Variants in NEURL4 observed in about 807,000 individuals in gnomAD.
NEURL4 encodes the protein neuralized-like protein 4.
A neutral mutation model predicts 148.0 loss-of-function variants in NEURL4; 45 were observed. The ratio of observed to expected loss-of-function variants is 0.30; its 90% CI spans 0.24 to 0.39. The LOEUF is 0.39. Among genes scored for constraint, NEURL4 ranks in the 10% least tolerant of loss-of-function variants. The pLI is 1.00. For synonymous variants in NEURL4, 854 were observed against 869.0 expected, an observed-to-expected ratio of 0.98 and a Z score of 0.30; for missense variants, 1,776 against 2,144.0, an observed-to-expected ratio of 0.83 and a Z score of 3.39.
rs775511826 is a variant in NEURL4, at chr17:7,318,034, G to A, written c.4060+31C>T. 3.7e-6 allele frequency: 6 copies of A among 1,613,684 alleles called. No individual in the cohort carries two copies. The African/African-American group carries it at 5.3e-5, about 14-fold the overall frequency. On this transcript the variant is annotated intron_variant, in intron 25 of 28. Coordinates refer to ENST00000399464, the MANE Select transcript of NEURL4 (RefSeq NM_032442.3). The surrounding 1 kb of genome is among the most constrained non-coding windows in gnomAD (Gnocchi z 4.3). ...AGGCTCTAGGCCTGGCCCTGGGAATGAAGTCAGTTCTGGCGGACTGTGGGA... is the reference window on the plus strand; with the variant it reads ...AGGCTCTAGGCCTGGCCCTGGGAATAAAGTCAGTTCTGGCGGACTGTGGGA...
chr17:7,325,483 G>A lies in NEURL4; in HGVS notation c.1367-10C>T, dbSNP rs760706678. The A allele has an allele frequency of 1.9e-6, 3 of 1,609,074 alleles. No individual in the cohort carries two copies. Among genetic ancestry groups the A allele is most frequent in the East Asian group, 4.5e-5 (2 of 44,886 alleles). ...AAGGGGGTTGCCACTCCTGTGGCAG[G>A]AAGGTACGGGGGTGTGGGAGTGGAC... On this transcript the variant is annotated splice_polypyrimidine_tract_variant and intron_variant, in intron 7 of 28. Transcript: ENST00000399464.
chr17:7,327,199 C>T lies in NEURL4; in HGVS notation c.759G>A (p.Pro253=), dbSNP rs530369555. ...ACTCAAGGCTGTTAGGAAACGTCTC[C>T]GGCCGGGCCTGCGCTGGGGACACCA... ...AFMVSPAQAR[P]ETFPNSLESH... Residue 253 remains proline (P), a synonymous_variant, in exon 3 of 29, where the codon CCG becomes CCA. Transcript: ENST00000399464. The surrounding 1 kb of genome is among the most constrained non-coding windows in gnomAD (Gnocchi z 6.6). 2.6e-5 allele frequency: 42 copies of T among 1,612,138 alleles called. No homozygotes were observed. The highest frequency in any genetic ancestry group is 1.8e-4 in the South Asian group (16 of 90,966).
Position 7,323,942 on chromosome 17 carries a change from C to T in NEURL4, c.2133G>A (p.Gly711=). The T allele has an allele frequency of 6.2e-7, 1 of 1,613,324 alleles. No individual in the cohort carries two copies. ...GGAAGCGCAGGTCAGAGCCCCCGGC[C>T]CCTGAGGACGGAGAGCTTGGAGACA... The part of the protein sequence containing the change: ...NQVSPSSPSS[G]AGGSDLRFHQ... The change falls in exon 12 of 29, where the codon GGG becomes GGA. Residue 711 remains glycine (G), a synonymous_variant. Transcript: ENST00000399464.
Position 7,316,381 on chromosome 17 carries a change from C to A in NEURL4, c.4485-54G>T. Reference sequence around the variant, plus strand: ...AAGCCTCTCGCCCCATCACCTCCCCCTTGCAAAGTCTGTTCCAACCACACA... The same window carrying A: ...AAGCCTCTCGCCCCATCACCTCCCCATTGCAAAGTCTGTTCCAACCACACA... On this transcript the variant is annotated intron_variant, in intron 28 of 28. Coordinates refer to ENST00000399464, the MANE Select transcript of NEURL4 (RefSeq NM_032442.3). The A allele has an allele frequency of 2.1e-6, 3 of 1,429,566 alleles. No individual in the cohort carries two copies. The Admixed American group carries it at 5.3e-5, about 25-fold the overall frequency. The allele number at this position is 1,429,566 out of a possible 1,614,324, so 88.6% of individuals were successfully genotyped here.
Position 7,324,546 on chromosome 17 carries a change from G to A in NEURL4, c.1814-66C>T, listed in dbSNP as rs1277609313. 2 of 1,437,046 alleles carry A rather than the reference G, an allele frequency of 1.4e-6. No individual in the cohort carries two copies. The highest frequency in any genetic ancestry group is 2.0e-6 in the Non-Finnish European group (2 of 1,021,102). The allele number at this position is 1,437,046 out of a possible 1,614,324, so 89.0% of individuals were successfully genotyped here. ...CAGGGCTCCTCTCCTTGCCACAGCAGCGCCCACAGGACTCCCGAGCCCACA... is the reference window on the plus strand; with the variant it reads ...CAGGGCTCCTCTCCTTGCCACAGCAACGCCCACAGGACTCCCGAGCCCACA... On this transcript the variant is annotated intron_variant, in intron 9 of 28. Coordinates refer to ENST00000399464, the MANE Select transcript of NEURL4 (RefSeq NM_032442.3). The surrounding 1 kb of genome is among the most constrained non-coding windows in gnomAD (Gnocchi z 5.9).
Position 7,321,602 on chromosome 17 carries a change from C to G in NEURL4, c.3057G>C (p.Gln1019His), listed in dbSNP as rs3809813. The G allele has an allele frequency of 0.16, 255,986 of 1,613,956 alleles. 24,185 individuals carry two copies. The highest frequency in any genetic ancestry group is 0.38 in the East Asian group (17,063 of 44,856). Residue 1019 changes from glutamine to histidine, a missense_variant, in exon 18 of 29, where the codon CAG becomes CAC. Transcript: ENST00000399464. This position sits in a 1 kb window ranked among gnomAD's most constrained non-coding sequence, Gnocchi z 6.3. ...VSSCEVRRDG[Q>H]LQRMNYGRNL... ...TCCGGCCATAGTTCATCCTCTGGAG[C>G]TGCCCATCACGCCTCACTTCACAGC...
Position 7,329,253 on chromosome 17 carries a change from G to GGCC in NEURL4, c.59_60insGGC (p.Gly20_Gly21insAla). The GGCC allele has an allele frequency of 1.5e-6, 1 of 667,518 alleles. No individual in the cohort carries two copies. The highest frequency in any genetic ancestry group is 2.0e-6 in the Non-Finnish European group (1 of 489,512). The allele number at this position is 667,518 out of a possible 1,614,324, so 41.3% of individuals were successfully genotyped here. ...CGCTCCCGCTGGGGCCCCCACCCCC[G>GGCC]CCCGGCCCCGGTCCAGGGCCTCCCC... On this transcript the variant is annotated inframe_insertion, in exon 1 of 29. Transcript: ENST00000399464.
Position 7,321,331 on chromosome 17 carries a change from C to T in NEURL4, c.3198+30G>A. On this transcript the variant is annotated intron_variant, in intron 19 of 28. Transcript: ENST00000399464. This position sits in a 1 kb window ranked among gnomAD's most constrained non-coding sequence, Gnocchi z 6.3. Reference sequence around the variant, plus strand: ...ATCAGCAGAAGACCTCAACCATCCTCCCAGAACCCAAGGAAGCGTTCAGGT... The same window carrying T: ...ATCAGCAGAAGACCTCAACCATCCTTCCAGAACCCAAGGAAGCGTTCAGGT... 1 of 1,613,872 alleles carries T rather than the reference C, an allele frequency of 6.2e-7. No individual in the cohort carries two copies. Among genetic ancestry groups the T allele is most frequent in the Non-Finnish European group, 8.5e-7 (1 of 1,179,878 alleles).
rs2072990486 is a variant in NEURL4 at position 7,319,047 on chromosome 17, C to T, written c.3684+3G>A. ...CTGTTCCTTCTCTCTGGCTCCTACT[C>T]ACCTTGAGACCGTTGTGGAAGACCC... On this transcript the variant is annotated splice_donor_region_variant and intron_variant, in intron 22 of 28. Coordinates refer to ENST00000399464, the MANE Select transcript of NEURL4 (RefSeq NM_032442.3). 2.5e-6 allele frequency: 4 copies of T among 1,606,420 alleles called. No homozygotes were observed. The highest frequency in any genetic ancestry group is 3.4e-6 in the Non-Finnish European group (4 of 1,176,178).
chr17:7,329,123 G>A lies in NEURL4; in HGVS notation c.190C>T (p.Gln64Ter). ...TGGTTAAACTCCTGGCCCGGCTGCT[G>A]CCGCCGCGCCGTACGCCCACAGGCC... ...LSACGRTARR[Q>*]QPGQEFNHGL... The change falls in exon 1 of 29, where the codon CAG (glutamine) becomes TAG (stop). Residue 64 changes from glutamine to a stop codon, truncating the protein, a stop_gained. Coordinates refer to ENST00000399464, the MANE Select transcript of NEURL4 (RefSeq NM_032442.3). LOFTEE classifies it high-confidence loss of function. The A allele has an allele frequency of 1.2e-6, 2 of 1,609,428 alleles. No homozygotes were observed. Among genetic ancestry groups the A allele is most frequent in the African/African-American group, 1.3e-5 (1 of 74,988 alleles).
rs759467696 is a variant in NEURL4, at chr17:7,316,324, GA to G, written c.4487del (p.Phe1496SerfsTer70). ...GCGTCCGCTGGGATTTGGGGTCCCGGAATCTGTCAGACAAGAAAAAATAAGG... is the reference window on the plus strand; with the variant it reads ...GCGTCCGCTGGGATTTGGGGTCCCGGATCTGTCAGACAAGAAAAAATAAGG... ...GAETLASKVQ[F>X]RDPKSQRTHQ... On this transcript the variant is annotated frameshift_variant and splice_region_variant, in exon 29 of 29. Coordinates refer to ENST00000399464, the MANE Select transcript of NEURL4 (RefSeq NM_032442.3). LOFTEE classifies it high-confidence loss of function. 7 of 1,611,502 alleles carry G rather than the reference GA, an allele frequency of 4.3e-6. No individual in the cohort carries two copies. Among genetic ancestry groups the G allele is most frequent in the Non-Finnish European group, 5.9e-6 (7 of 1,179,288 alleles).
In NEURL4 at chr17:7,317,155, C is replaced by G. The variant is rs201160537; in HGVS notation, c.4484+50G>C. On this transcript the variant is annotated intron_variant, in intron 28 of 28. Coordinates refer to ENST00000399464, the MANE Select transcript of NEURL4 (RefSeq NM_032442.3). ...AGACCCCAGTGGCTGCGCTTGGGCC[C>G]TCTCCATCCGAGCCCCTGGAAATCT... 2.8e-5 allele frequency: 39 copies of G among 1,380,590 alleles called. 1 individual carries two copies. The African/African-American group carries it at 4.4e-4, about 16-fold the overall frequency. 85.5% of individuals were successfully genotyped at this position (1,380,590 alleles called of 1,614,324 possible). A position where few individuals can be genotyped will look rare whatever the true frequency, so the allele number is the denominator to read the frequency against.
In NEURL4 at chr17:7,321,673, G is replaced by A. The variant is rs762967769; in HGVS notation, c.2986C>T (p.Pro996Ser). The A allele has an allele frequency of 3.1e-6, 5 of 1,613,798 alleles. No individual in the cohort carries two copies. Among genetic ancestry groups the A allele is most frequent in the Non-Finnish European group, 4.2e-6 (5 of 1,180,018 alleles). The change falls in exon 18 of 29, where the codon CCT (proline) becomes TCT (serine). Residue 996 changes from proline (P) to serine (S), a missense_variant. Pro to Ser is a moderately conservative substitution (Grantham distance 74). Transcript: ENST00000399464. This position sits in a 1 kb window ranked among gnomAD's most constrained non-coding sequence, Gnocchi z 6.3. The part of the protein sequence containing the change: ...GAGGGGPGLP[P>S]SLPELRTKTT... The stretch of plus-strand genomic sequence containing the variant: ...TTCGTCCGGAGCTCTGGCAGGGAAG[G>A]AGGCAGCCCTGGGCCACCACCGCCT...
Position 7,327,173 on chromosome 17 carries a change from G to A in NEURL4, c.785C>T (p.Ser262Leu), listed in dbSNP as rs1194124882. 4.3e-6 allele frequency: 7 copies of A among 1,612,198 alleles called. 1 individual carries two copies. Among genetic ancestry groups the A allele is most frequent in the East Asian group, 2.2e-5 (1 of 44,878 alleles). Residue 262 changes from serine (S) to leucine (L), a missense_variant, in exon 3 of 29, where the codon TCG becomes TTG. By Grantham distance (145) the Ser-to-Leu change is moderately radical. Transcript: ENST00000399464. The surrounding 1 kb of genome is among the most constrained non-coding windows in gnomAD (Gnocchi z 6.6). ...CTCCCCAAAGCCCTCACCATTATGCGACTCAAGGCTGTTAGGAAACGTCTC... is the reference window on the plus strand; with the variant it reads ...CTCCCCAAAGCCCTCACCATTATGCAACTCAAGGCTGTTAGGAAACGTCTC... ...RPETFPNSLE[S>L]HNDFANMELS...
rs1023622596 is a variant in NEURL4 at position 7,325,566 on chromosome 17, G to A, written c.1366+75C>T. 36 of 1,586,980 alleles carry A rather than the reference G, an allele frequency of 2.3e-5. No homozygotes were observed. The Admixed American group carries it at 4.7e-4, about 21-fold the overall frequency. ...GAGGCCAAGCACCAAAGAGAAGCAGGAGGATGAGGTACAGCCCCCAGTCCC... is the reference window on the plus strand; with the variant it reads ...GAGGCCAAGCACCAAAGAGAAGCAGAAGGATGAGGTACAGCCCCCAGTCCC... On this transcript the variant is annotated intron_variant, in intron 7 of 28. Coordinates refer to ENST00000399464, the MANE Select transcript of NEURL4 (RefSeq NM_032442.3).
rs1350874689 is a variant in NEURL4, at chr17:7,322,530, T to C, written c.2725+205A>G. ...GCTCAGCTTATGGTGTCCTGGCCCC[T>C]TGGTGGCAGGGAAGTGTCCAGGCTC... On this transcript the variant is annotated intron_variant, in intron 16 of 28. Transcript: ENST00000399464. The surrounding 1 kb of genome is among the most constrained non-coding windows in gnomAD (Gnocchi z 5.5). Among the ~76,000 whole-genome samples, 4 of 152,146 alleles carry C rather than the reference T, an allele frequency of 2.6e-5. No homozygotes were observed. Among genetic ancestry groups the C allele is most frequent in the Non-Finnish European group, 5.9e-5 (4 of 68,012 alleles).
Position 7,321,086 on chromosome 17 carries a change from C to T in NEURL4, c.3360+26G>A, listed in dbSNP as rs370736095. 1.9e-6 allele frequency: 3 copies of T among 1,611,080 alleles called. No individual in the cohort carries two copies. The highest frequency in any genetic ancestry group is 2.2e-5 in the East Asian group (1 of 44,810). On this transcript the variant is annotated intron_variant, in intron 20 of 28. Transcript: ENST00000399464. This position sits in a 1 kb window ranked among gnomAD's most constrained non-coding sequence, Gnocchi z 6.3. ...CCCAGCAACTGCCCATCCATGTGCACAGCAGACCATGCTGCAGCCTCTTAC... is the reference window on the plus strand; with the variant it reads ...CCCAGCAACTGCCCATCCATGTGCATAGCAGACCATGCTGCAGCCTCTTAC...
In NEURL4 at chr17:7,321,927, C is replaced by T. The variant is rs199946910; in HGVS notation, c.2809G>A (p.Ala937Thr). The change falls in exon 17 of 29, where the codon GCT becomes ACT. Residue 937 changes from alanine to threonine, a missense_variant. Ala to Thr is a moderately conservative substitution (Grantham distance 58). Coordinates refer to ENST00000399464, the MANE Select transcript of NEURL4 (RefSeq NM_032442.3). This position sits in a 1 kb window ranked among gnomAD's most constrained non-coding sequence, Gnocchi z 6.3. ...EEDGTRAVRA[A>T]GYAHGLVFST... ...AAGACAAGGCCATGAGCATAGCCAG[C>T]GGCACGCACTGCCCTCGTGCCATCC... The T allele has an allele frequency of 4.8e-5, 78 of 1,613,864 alleles. No individual in the cohort carries two copies. The African/African-American group carries it at 7.3e-4, about 15-fold the overall frequency.
Position 7,323,886 on chromosome 17 carries a change from G to T in NEURL4, c.2189C>A (p.Thr730Asn). 1 of 1,613,996 alleles carries T rather than the reference G, an allele frequency of 6.2e-7. No individual in the cohort carries two copies. Among genetic ancestry groups the T allele is most frequent in the Non-Finnish European group, 8.5e-7 (1 of 1,180,038 alleles). Reference sequence around the variant, plus strand: ...GCGGAGGGCGGTGCGGCCCCCGTTAGTGATGACTGCGTTACTGCCGTGCAG... The same window carrying T: ...GCGGAGGGCGGTGCGGCCCCCGTTATTGATGACTGCGTTACTGCCGTGCAG... Reference protein sequence around the residue: ...HQLHGSNAVITNGGRTALRHN... With the variant: ...HQLHGSNAVINNGGRTALRHN... The change falls in exon 12 of 29, where the codon ACT (threonine) becomes AAT (asparagine). Residue 730 changes from threonine (T) to asparagine (N), a missense_variant. By Grantham distance (65) the Thr-to-Asn change is moderately conservative. Coordinates refer to ENST00000399464, the MANE Select transcript of NEURL4 (RefSeq NM_032442.3).
Sources: gnomAD v4.1 joint callset for allele counts (sites outside exome capture counted in the v4.1 genomes callset) on GRCh38, gnomAD v4.1.1 for gene constraint, Gnocchi (gnomAD v3.1) non-coding constraint, MANE v1.5 for transcripts, NCBI Gene and HGNC (gene_info 2026-07-23, HGNC 2026-07-21) for gene names.